The following MROH1 variants were observed in gnomAD, a reference collection of about 807,000 sequenced individuals.
MROH1 encodes the protein maestro heat-like repeat-containing protein family member 1.
A neutral mutation model predicts 116.5 loss-of-function variants in MROH1; 117 were observed. The ratio of observed to expected loss-of-function variants is 1.00; its 90% CI spans 0.86 to 1.17. MROH1 has a LOEUF of 1.17. MROH1 is among the 50% of genes most tolerant of loss of function. The probability of loss-of-function intolerance (pLI) is 0.00; values close to 1 mark genes in which losing one functional copy is unlikely to be tolerated. For synonymous variants in MROH1, 921 were observed against 583.9 expected, an observed-to-expected ratio of 1.58 and a Z score of -8.32; for missense variants, 1,873 against 1,338.5, an observed-to-expected ratio of 1.40 and a Z score of -6.23.
chr8:144,236,208 T>G (rs1327988330), intron 14 of MROH1, among the ~76,000 whole-genome samples: 1 of 152,220 alleles, frequency 6.6e-6, no homozygotes, highest in East Asian at 1.9e-4. Context: ...TGTTTTCTCA[T>G]GATTTGATCC....
chr8:144,159,289 C>T (rs1368699746), intron 1 of MROH1, among the ~76,000 whole-genome samples: 1 of 152,098 alleles, frequency 6.6e-6, no homozygotes, highest in Non-Finnish European at 1.5e-5. Flanking sequence ...ACCCGGAAGG[C>T]GGAGGTTGTA....
At chr8:144,201,012 C>T (rs6995696) in intron 12 of MROH1, 151,403 of 153,092 alleles carry the variant, frequency 0.99, 74,884 homozygotes, top group East Asian at 1. Flanking sequence ...ATATGTGTGA[C>T]GGTTTCTTCG....
At chr8:144,156,162 G>A (rs978721455) in intron 1 of MROH1, among the ~76,000 whole-genome samples, 31 of 151,256 alleles carry the variant, frequency 2.0e-4, no homozygotes, top group African/African-American at 6.3e-4. Flanking sequence ...ACTTGAACCC[G>A]GGAGGTGGAG....
chr8:144,191,678 G>A, intron 8 of MROH1, 37 bp from the exon 9 acceptor site: 7 of 1,607,542 alleles, frequency 4.4e-6, no homozygotes, highest in Non-Finnish European at 5.9e-6. Context: ...GGTGTTGACT[G>A]AGCAGCGTAA....
intron 14 of MROH1, among the ~76,000 whole-genome samples, chr8:144,234,891 C>CTTTTTTT (rs781998549): frequency 4.0e-4 from 41 of 103,554 alleles, no homozygotes; most frequent in African/African-American, 8.5e-4. Flanking sequence ...CTTTTTCTTT[C>CTTTTTTT]TTTTTTTTTT....
chr8:144,214,681 G>A lies in MROH1; in HGVS notation c.1142-5919G>A, dbSNP rs545743418. On this transcript the variant is annotated intron_variant, in intron 12 of 43. Coordinates refer to ENST00000326134, the MANE Select transcript of MROH1 (RefSeq NM_032450.3). The stretch of plus-strand genomic sequence containing the variant: ...GCCGCGGCCACCCCAGCCATTGTTC[G>A]TTCCCTTTGTCTCCTCTTCTGGGAG... 7.2e-5 allele frequency among the ~76,000 whole-genome samples: 11 copies of A among 152,208 alleles called. No homozygotes were observed. The East Asian group carries it at 1.7e-3, about 24-fold the overall frequency.
intron 1 of MROH1, among the ~76,000 whole-genome samples, chr8:144,152,555 A>AT (rs1554774004): frequency 1.7e-3 from 218 of 130,560 alleles, no homozygotes; most frequent in African/African-American, 4.0e-3. Context: ...TATTATTATT[A>AT]TTTTTTTTTT....
chr8:144,163,555 G>A lies in MROH1; in HGVS notation c.-56-216G>A, dbSNP rs2130869841. 6.6e-6 allele frequency among the ~76,000 whole-genome samples: 1 copy of A among 152,348 alleles called. No homozygotes were observed. The highest frequency in any genetic ancestry group is 2.1e-4 in the South Asian group (1 of 4,824). On this transcript the variant is annotated intron_variant, in intron 2 of 43. Transcript: ENST00000326134. This position sits in a 1 kb window ranked among gnomAD's most constrained non-coding sequence, Gnocchi z 4.4. The stretch of plus-strand genomic sequence containing the variant: ...TGCAGGCCAGTGAGGTGCTGGTAGG[G>A]ACTGATGGGTGCTCAGGGATGGAGG...
intron 7 of MROH1, among the ~76,000 whole-genome samples, chr8:144,184,355 C>T (rs1587979256): frequency 6.6e-6 from 1 of 152,108 alleles, no homozygotes; most frequent in African/African-American, 2.4e-5. Context: ...TGGTGTGGGG[C>T]CAGCAGCTCT....
chr8:144,243,986 T>C (rs1433382394), intron 26 of MROH1, 44 bp downstream of exon 26: 3 of 767,332 alleles, frequency 3.9e-6, no homozygotes, highest in Non-Finnish European at 7.3e-6. Flanking sequence ...GCTGCGTGTG[T>C]GCGTGCATGT....
rs202062489 is a variant in MROH1 at position 144,213,137 on chromosome 8, A to G, written c.1142-7463A>G. The G allele has an allele frequency of 1.9e-4, 149 of 765,620 alleles. No homozygotes were observed. In the African/African-American group the frequency reaches 2.2e-3, roughly 11 times the overall value. The allele number at this position is 765,620 out of a possible 1,614,324, so 47.4% of individuals were successfully genotyped here. ...TGTTGCTTGAGTCACCACGGCTGTT[A>G]CATCCCGTGCTCTCCCTTCTCTGCC... On this transcript the variant is annotated intron_variant, in intron 12 of 43. Transcript: ENST00000326134.
At chr8:144,252,979 C>CAT (rs138657169) in intron 33 of MROH1, among the ~76,000 whole-genome samples, 8,566 of 142,568 alleles carry the variant, frequency 0.06, 271 homozygotes, top group East Asian at 0.079. Flanking sequence ...AAATTTATTT[C>CAT]ATATATATAT....
rs1038339229 is a variant in MROH1, at chr8:144,182,149, C to A, written c.562+1626C>A. On this transcript the variant is annotated intron_variant, in intron 7 of 43. Transcript: ENST00000326134. The surrounding 1 kb of genome is among the most constrained non-coding windows in gnomAD (Gnocchi z 4.1). The stretch of plus-strand genomic sequence containing the variant: ...TGGGGCCAGAGGAAGCCGTATCAAC[C>A]GGGTGAGGCCTAGTGGTGGGGGCGG... Among the ~76,000 whole-genome samples, 9 of 149,118 alleles carry A rather than the reference C, an allele frequency of 6.0e-5. No homozygotes were observed. In the South Asian group the frequency reaches 1.7e-3, roughly 27 times the overall value.
At chr8:144,173,252 G>A (rs971087164) in intron 4 of MROH1, among the ~76,000 whole-genome samples, 4 of 151,476 alleles carry the variant, frequency 2.6e-5, no homozygotes, top group African/African-American at 9.7e-5. Flanking sequence ...ACAGGCACGT[G>A]CCACCACTCC....
intron 4 of MROH1, among the ~76,000 whole-genome samples, chr8:144,169,254 A>G (rs1185810125): frequency 2.0e-5 from 3 of 152,138 alleles, no homozygotes; most frequent in Non-Finnish European, 4.4e-5. Flanking sequence ...ACATTTTGGT[A>G]TGTAAAAAGG....
At position 144,255,555 on chromosome 8, in the gene MROH1, C is replaced by T; in HGVS notation, c.3641C>T (p.Pro1214Leu). Residue 1214 changes from proline (P) to leucine (L), a missense_variant, in exon 35 of 44, where the codon CCC (proline) becomes CTC (leucine). Transcript: ENST00000326134. ...FEVMSTPAAG[P>L]AVLELYPQLF... Reference sequence around the variant, plus strand: ...GTCATGTCCACGCCTGCAGCGGGGCCCGCGGTGCTCGAGCTCTACCCCCAG... The same window carrying T: ...GTCATGTCCACGCCTGCAGCGGGGCTCGCGGTGCTCGAGCTCTACCCCCAG... The T allele has an allele frequency of 1.3e-6, 1 of 779,356 alleles. No homozygotes were observed. Among genetic ancestry groups the T allele is most frequent in the Non-Finnish European group, 2.4e-6 (1 of 417,806 alleles). The allele number at this position is 779,356 out of a possible 1,614,324, so 48.3% of individuals were successfully genotyped here.
chr8:144,206,486 G>A (rs1295423216), intron 12 of MROH1, among the ~76,000 whole-genome samples: 5 of 150,274 alleles, frequency 3.3e-5, no homozygotes, highest in Non-Finnish European at 4.4e-5. Flanking sequence ...GTAGTGGCAC[G>A]ATCTCGGCTC....
In MROH1 at chr8:144,192,352, G is replaced by A. The variant is rs199686849; in HGVS notation, c.899G>A (p.Arg300His). The A allele has an allele frequency of 2.4e-5, 39 of 1,599,350 alleles. No homozygotes were observed. The highest frequency in any genetic ancestry group is 2.9e-5 in the Non-Finnish European group (34 of 1,175,998). The change falls in exon 10 of 44, where the codon CGC (arginine) becomes CAC (histidine). Residue 300 changes from arginine to histidine, a missense_variant. Arg to His is a conservative substitution (Grantham distance 29). Transcript: ENST00000326134. ...ILEAAVSVGS[R>H]TLETQLDALL... The stretch of plus-strand genomic sequence containing the variant: ...GAGGCAGCTGTGAGTGTGGGCAGCC[G>A]CACACTGGAGACCCAGCTGGATGCC...
Position 144,258,830 on chromosome 8 carries a change from TG to T in MROH1, c.3847del (p.Val1283TyrfsTer42). The T allele has an allele frequency of 1.3e-6, 1 of 769,576 alleles. No individual in the cohort carries two copies. The highest frequency in any genetic ancestry group is 2.4e-6 in the Non-Finnish European group (1 of 414,490). The allele number at this position is 769,576 out of a possible 1,614,324, so 47.7% of individuals were successfully genotyped here. On this transcript the variant is annotated frameshift_variant, in exon 36 of 44. Transcript: ENST00000326134. LOFTEE classifies it high-confidence loss of function. Reference sequence around the variant, plus strand: ...CTACTCCGCAGCGGCAGCGAGGATGTGGTACAGCGCATGGACCTGGAGGGAG... The same window carrying T: ...CTACTCCGCAGCGGCAGCGAGGATGTGTACAGCGCATGGACCTGGAGGGAG... ...SMLLRSGSED[V>X]VQRMDLEGGW... is the part of the protein sequence containing the mutation.
Sources: gnomAD v4.1 joint callset for allele counts (sites outside exome capture counted in the v4.1 genomes callset) on GRCh38, gnomAD v4.1.1 for gene constraint, Gnocchi (gnomAD v3.1) non-coding constraint, MANE v1.5 for transcripts, NCBI Gene and HGNC (gene_info 2026-07-23, HGNC 2026-07-21) for gene names.